RELN: variants seen among roughly 807,000 people sequenced by gnomAD.
RELN encodes reelin.
RELN carries 108 observed loss-of-function variants against 427.6 expected under a neutral mutation model. That is an observed-to-expected ratio of 0.25 (90% confidence interval 0.22 to 0.30). RELN has a LOEUF of 0.30. RELN is among the 10% of genes least tolerant of loss of function. The pLI is 1.00. For missense variants in RELN, 3,715 were observed against 4,302.8 expected (o/e 0.86, Z 3.82); for synonymous variants, 1,524 against 1,513.4 (o/e 1.01, Z -0.16).
At chr7:103,584,353 C>A (rs896868439) in intron 28 of RELN, among the ~76,000 whole-genome samples, 1 of 152,044 alleles carries the variant, frequency 6.6e-6, no homozygotes, top group Non-Finnish European at 1.5e-5. Flanking sequence ...ACAGACTCAA[C>A]ATAAAGGGGT....
rs137892292 is a variant in RELN, at chr7:103,694,171, C to A, written c.1143+3682G>T. On this transcript the variant is annotated intron_variant, in intron 10 of 64. Coordinates refer to ENST00000428762, the MANE Select transcript of RELN (RefSeq NM_005045.4). ...AGAAAAACAAGAATCTTTTAACCTACAGCCAGAGAGTGATGGGGGAGAAAA... is the reference window on the plus strand; with the variant it reads ...AGAAAAACAAGAATCTTTTAACCTAAAGCCAGAGAGTGATGGGGGAGAAAA... Among the ~76,000 whole-genome samples the A allele has an allele frequency of 8.3e-4, 127 of 152,194 alleles. 1 individual carries two copies. Among genetic ancestry groups the A allele is most frequent in the African/African-American group, 3.0e-3 (126 of 41,556 alleles).
At chr7:103,875,645 C>G (rs1434880592) in intron 2 of RELN, among the ~76,000 whole-genome samples, 1 of 151,916 alleles carries the variant, frequency 6.6e-6, no homozygotes, top group Non-Finnish European at 1.5e-5. Flanking sequence ...TATAAACCTA[C>G]GACTTACTTC....
intron 1 of RELN, among the ~76,000 whole-genome samples, chr7:103,975,352 T>C (rs1418332720): frequency 3.3e-5 from 5 of 152,036 alleles, no homozygotes; most frequent in Admixed American, 2.6e-4. Flanking sequence ...AAACAGGCAG[T>C]AGAGGAGCAA....
chr7:103,712,300 T>C (rs996395448), intron 8 of RELN, among the ~76,000 whole-genome samples: 9 of 152,216 alleles, frequency 5.9e-5, no homozygotes, highest in Non-Finnish European at 1.3e-4. Context: ...ATAAACTTTG[T>C]CTGTTCTTTC....
At chr7:103,764,580 G>C (rs576525344) in intron 4 of RELN, among the ~76,000 whole-genome samples, 1 of 152,108 alleles carries the variant, frequency 6.6e-6, no homozygotes, top group African/African-American at 2.4e-5. Context: ...GCTCATGCCT[G>C]GAATCCCAGC....
chr7:103,572,437 T>C (rs967782930), intron 30 of RELN, among the ~76,000 whole-genome samples, 177 bp from the exon 31 acceptor site: 2 of 152,216 alleles, frequency 1.3e-5, no homozygotes, highest in African/African-American at 4.8e-5. Flanking sequence ...TCTGTAACCA[T>C]TTAGAAGAAG....
chr7:103,815,426 G>C (rs571274315), intron 3 of RELN, among the ~76,000 whole-genome samples: 1 of 152,162 alleles, frequency 6.6e-6, no homozygotes, highest in African/African-American at 2.4e-5. Flanking sequence ...AAAATCATAA[G>C]TGTGACTTGA....
chr7:103,805,214 T>TG lies in RELN; in HGVS notation c.473+28322dup, dbSNP rs531649948. Among the ~76,000 whole-genome samples the TG allele has an allele frequency of 1.2e-3, 179 of 152,322 alleles. 3 individuals carry two copies. Among genetic ancestry groups the TG allele is most frequent in the African/African-American group, 4.1e-3 (171 of 41,580 alleles). On this transcript the variant is annotated intron_variant, in intron 3 of 64. Coordinates refer to ENST00000428762, the MANE Select transcript of RELN (RefSeq NM_005045.4). ...TCATCTGTGAAATGGGAATGATAGCTGCTTGCCTATCTCACAGGATGCTAC... is the reference window on the plus strand; with the variant it reads ...TCATCTGTGAAATGGGAATGATAGCTGGCTTGCCTATCTCACAGGATGCTAC...
intron 2 of RELN, among the ~76,000 whole-genome samples, chr7:103,876,908 C>A (rs80187402): frequency 6.6e-6 from 1 of 152,058 alleles, no homozygotes; most frequent in African/African-American, 2.4e-5. Flanking sequence ...CTCAAGGTCA[C>A]TAACAGCCTC....
At chr7:103,746,445 C>A (rs1352851516) in intron 6 of RELN, among the ~76,000 whole-genome samples, 1 of 151,828 alleles carries the variant, frequency 6.6e-6, no homozygotes, top group Non-Finnish European at 1.5e-5. Flanking sequence ...AGAGCTTCTG[C>A]ACAGCAAAAG....
intron 1 of RELN, among the ~76,000 whole-genome samples, chr7:103,962,509 G>C (rs1796577874): frequency 6.6e-6 from 1 of 151,946 alleles, no homozygotes; most frequent in Non-Finnish European, 1.5e-5. Context: ...TGGTCTGCCA[G>C]GAGGTCGTTG....
intron 1 of RELN, among the ~76,000 whole-genome samples, chr7:103,970,066 C>G (rs1013176594): frequency 6.6e-6 from 1 of 152,158 alleles, no homozygotes; most frequent in African/African-American, 2.4e-5. Flanking sequence ...TACTCAACCC[C>G]ACACCTGAGG....
intron 20 of RELN, among the ~76,000 whole-genome samples, chr7:103,614,911 C>T (rs775663481): frequency 3.7e-4 from 57 of 152,254 alleles, no homozygotes; most frequent in Admixed American, 7.8e-4. Flanking sequence ...GGCAGTGATA[C>T]TGGGTCTGTT....
At position 103,515,451 on chromosome 7, in the gene RELN, A is replaced by G; in HGVS notation, c.7863-10T>C. 1 of 1,613,822 alleles carries G rather than the reference A, an allele frequency of 6.2e-7. No individual in the cohort carries two copies. The highest frequency in any genetic ancestry group is 8.5e-7 in the Non-Finnish European group (1 of 1,179,996). ...AAGGATATTCACAAATCTATAGGAA[A>G]ATGATGGGGAAGGGTGTGGGGAAGA... On this transcript the variant is annotated splice_polypyrimidine_tract_variant and intron_variant, in intron 49 of 64. Transcript: ENST00000428762.
intron 3 of RELN, among the ~76,000 whole-genome samples, chr7:103,826,997 CTT>C (rs201344580): frequency 7.5e-4 from 98 of 130,638 alleles, no homozygotes; most frequent in Middle Eastern, 3.9e-3. Context: ...TTTGCTATAG[CTT>C]TTTTTTTTTT....
intron 2 of RELN, among the ~76,000 whole-genome samples, chr7:103,915,809 T>C (rs1795471265): frequency 6.6e-6 from 1 of 152,188 alleles, no homozygotes; most frequent in African/African-American, 2.4e-5. Context: ...ATCTGACAAC[T>C]CTACTTATGA....
chr7:103,816,219 A>C (rs930648606), intron 3 of RELN, among the ~76,000 whole-genome samples: 1 of 152,118 alleles, frequency 6.6e-6, no homozygotes, highest in African/African-American at 2.4e-5. Flanking sequence ...GCTCTAGTAA[A>C]CATACAAAAA....
chr7:103,632,302 T>C (rs1310806118), intron 19 of RELN, among the ~76,000 whole-genome samples: 1 of 152,200 alleles, frequency 6.6e-6, no homozygotes, highest in Non-Finnish European at 1.5e-5. Flanking sequence ...GGGCCAGAAA[T>C]TTTTTTGTCT....
At chr7:103,674,403 CT>C (rs140011042) in intron 11 of RELN, among the ~76,000 whole-genome samples, 13 of 150,954 alleles carry the variant, frequency 8.6e-5, no homozygotes, top group South Asian at 2.1e-4. Context: ...TTTCTTTTTT[CT>C]TTTTTTTTCC....
Sources: allele counts gnomAD v4.1 joint callset (sites outside exome capture counted in the v4.1 genomes callset), GRCh38; gene constraint gnomAD v4.1.1; transcripts MANE v1.5; gene names NCBI Gene and HGNC (gene_info 2026-07-23, HGNC 2026-07-21).